The following SORCS1 variants were observed in gnomAD, a reference collection of about 807,000 sequenced individuals.
SORCS1 encodes VPS10 domain-containing receptor SorCS1.
SORCS1 carries 60 observed loss-of-function variants against 146.1 expected under a neutral mutation model. The ratio of observed to expected loss-of-function variants is 0.41; its 90% CI spans 0.33 to 0.51. The LOEUF (loss-of-function observed/expected upper bound fraction) is 0.51, where lower values mean the gene tolerates loss of function less well. Ranked by LOEUF, SORCS1 falls within the 20% of genes least tolerant of loss-of-function variation. SORCS1 has a pLI of 0.21. For missense variants in SORCS1, 1,352 were observed against 1,487.6 expected (o/e 0.91, Z 1.50); for synonymous variants, 637 against 584.0 (o/e 1.09, Z -1.31).
chr10:106,924,270 A>AAC (rs60551348), intron 2 of SORCS1, among the ~76,000 whole-genome samples: 1 of 147,548 alleles, frequency 6.8e-6, no homozygotes, highest in Admixed American at 6.7e-5. Context: ...AAAAAAAAAA[A>AAC]CTACCTTTTA....
At position 106,957,922 on chromosome 10, in the gene SORCS1, A is replaced by T. The variant is rs576872937; in HGVS notation, c.559-1342T>A. ...GCCAGAAGAGAACACAAAGAAAAACAGATTCCGTCTATGAGTCCGTGATCC... is the reference window on the plus strand; with the variant it reads ...GCCAGAAGAGAACACAAAGAAAAACTGATTCCGTCTATGAGTCCGTGATCC... On this transcript the variant is annotated intron_variant, in intron 1 of 25. Transcript: ENST00000263054. Among the ~76,000 whole-genome samples, 4 of 152,348 alleles carry T rather than the reference A, an allele frequency of 2.6e-5. No individual in the cohort carries two copies. In the East Asian group the frequency reaches 7.7e-4, roughly 29 times the overall value.
intron 18 of SORCS1, among the ~76,000 whole-genome samples, chr10:106,640,001 G>A (rs1848966112): frequency 1.3e-5 from 2 of 151,376 alleles, no homozygotes; most frequent in African/African-American, 4.9e-5. Flanking sequence ...CTGGCAACAG[G>A]GTGTGTCTCA....
chr10:106,763,104 C>A (rs1045489772), intron 4 of SORCS1, among the ~76,000 whole-genome samples: 2 of 152,026 alleles, frequency 1.3e-5, no homozygotes, highest in Non-Finnish European at 2.9e-5. Flanking sequence ...TAGTAACATA[C>A]AAAAATTAAT....
intron 8 of SORCS1, 140 bp from the exon 9 acceptor site, chr10:106,699,533 G>T: frequency 1.5e-6 from 1 of 656,808 alleles, no homozygotes; most frequent in Non-Finnish European, 2.4e-6. Context: ...GCATATATAA[G>T]AAATAATAGT....
Position 107,117,482 on chromosome 10 carries a change from C to A in SORCS1, c.558+46487G>T, listed in dbSNP as rs139652088. On this transcript the variant is annotated intron_variant, in intron 1 of 25. Coordinates refer to ENST00000263054, the MANE Select transcript of SORCS1 (RefSeq NM_052918.5). Reference sequence around the variant, plus strand: ...GCTGTGAGATCAGGGCCCCCCAGAACTGTGAGGTCATGAGTACCCAGGAAA... The same window carrying A: ...GCTGTGAGATCAGGGCCCCCCAGAAATGTGAGGTCATGAGTACCCAGGAAA... Among the ~76,000 whole-genome samples, 777 of 152,288 alleles carry A rather than the reference C, an allele frequency of 5.1e-3. 3 individuals carry two copies. Among genetic ancestry groups the A allele is most frequent in the Middle Eastern group, 0.02 (6 of 294 alleles).
intron 3 of SORCS1, among the ~76,000 whole-genome samples, chr10:106,826,934 C>T (rs1260111208): frequency 6.6e-6 from 1 of 152,168 alleles, no homozygotes; most frequent in Non-Finnish European, 1.5e-5. Flanking sequence ...CAGTAAAATG[C>T]CCATGGCTAA....
intron 6 of SORCS1, among the ~76,000 whole-genome samples, chr10:106,715,655 G>T (rs930404047): frequency 6.6e-6 from 1 of 152,212 alleles, no homozygotes; most frequent in Non-Finnish European, 1.5e-5. Flanking sequence ...GATAGCTGTA[G>T]TTGGTATTTA....
At chr10:106,864,423 G>A (rs1950149965) in intron 2 of SORCS1, among the ~76,000 whole-genome samples, 1 of 152,192 alleles carries the variant, frequency 6.6e-6, no homozygotes, top group Non-Finnish European at 1.5e-5. Context: ...CTCCACCATG[G>A]CCTTTAGTCT....
At chr10:106,673,589 TTGGTTGAGAAAATA>T (rs969261438) in intron 14 of SORCS1, among the ~76,000 whole-genome samples, 6 of 152,252 alleles carry the variant, frequency 3.9e-5, no homozygotes, top group Middle Eastern at 6.8e-3. Flanking sequence ...TGCCACAGGA[TTGGTTGAGAAAATA>T]TGGTTGAGAA....
intron 5 of SORCS1, among the ~76,000 whole-genome samples, chr10:106,744,254 G>A (rs1000404725): frequency 2.6e-5 from 4 of 152,056 alleles, no homozygotes; most frequent in Non-Finnish European, 5.9e-5. Flanking sequence ...ACAGGCGCCC[G>A]CCACCAGGCC....
intron 3 of SORCS1, among the ~76,000 whole-genome samples, chr10:106,780,990 T>C (rs1167254971): frequency 1.4e-5 from 2 of 146,728 alleles, no homozygotes; most frequent in Non-Finnish European, 3.0e-5. Context: ...TTTTTTTTTT[T>C]TGGTATTAGT....
intron 1 of SORCS1, among the ~76,000 whole-genome samples, chr10:107,154,008 C>CTTTTTTTTTT (rs71025579): frequency 5.0e-3 from 466 of 93,964 alleles, no homozygotes; most frequent in East Asian, 8.0e-3. Flanking sequence ...CTTTTCTTTT[C>CTTTTTTTTTT]TTTTTTTTTT....
intron 1 of SORCS1, among the ~76,000 whole-genome samples, chr10:107,126,086 T>A (rs1054804437): frequency 1.3e-5 from 2 of 152,246 alleles, no homozygotes; most frequent in African/African-American, 4.8e-5. Context: ...ACCTCCTGTT[T>A]GACCTTGGCC....
At chr10:106,734,727 A>G (rs4568927) in intron 5 of SORCS1, among the ~76,000 whole-genome samples, 64,317 of 152,080 alleles carry the variant, frequency 0.42, 13,652 homozygotes, top group South Asian at 0.47. Context: ...TTCCTATAAT[A>G]TACATCTTTA....
chr10:107,059,573 C>G (rs1274919521), intron 1 of SORCS1, among the ~76,000 whole-genome samples: 1 of 152,006 alleles, frequency 6.6e-6, no homozygotes, highest in African/African-American at 2.4e-5. Flanking sequence ...TAAGTGACAA[C>G]AAAAGAAAAA....
chr10:107,021,513 CAAAAAAAAAAAAAAAAAAAA>C (rs869141427), intron 1 of SORCS1, among the ~76,000 whole-genome samples: 2 of 68,594 alleles, frequency 2.9e-5, no homozygotes, highest in Non-Finnish European at 5.5e-5. Flanking sequence ...CACTCCGTCT[CAAAAAAAAAAAAAAAAAAAA>C]AAAAAAAAAA....
At chr10:107,081,542 T>C (rs1590090021) in intron 1 of SORCS1, among the ~76,000 whole-genome samples, 1 of 152,228 alleles carries the variant, frequency 6.6e-6, no homozygotes, top group African/African-American at 2.4e-5. Context: ...CTGCTTTCTT[T>C]CTTTGCATTC....
intron 1 of SORCS1, among the ~76,000 whole-genome samples, chr10:107,031,115 T>C (rs1399266571): frequency 6.6e-6 from 1 of 151,824 alleles, no homozygotes; most frequent in Non-Finnish European, 1.5e-5. Context: ...GAAGCAGAGG[T>C]CTACATATAA....
intron 3 of SORCS1, among the ~76,000 whole-genome samples, chr10:106,797,745 C>G (rs2136600838): frequency 6.6e-6 from 1 of 152,294 alleles, no homozygotes; most frequent in African/African-American, 2.4e-5. Flanking sequence ...TCAGTCCATG[C>G]AGCCAGATGC....
Sources: gnomAD v4.1 joint callset for allele counts (sites outside exome capture counted in the v4.1 genomes callset) on GRCh38, gnomAD v4.1.1 for gene constraint, MANE v1.5 for transcripts, NCBI Gene and HGNC (gene_info 2026-07-23, HGNC 2026-07-21) for gene names.